PACRG: variants seen among roughly 807,000 people sequenced by gnomAD.
PACRG encodes parkin coregulated gene protein.
A neutral mutation model predicts 29.7 loss-of-function variants in PACRG; 29 were observed. The ratio of observed to expected loss-of-function variants is 0.98; its 90% CI spans 0.73 to 1.33. PACRG has a LOEUF of 1.33. Ranked by LOEUF, PACRG falls within the 40% of genes most tolerant of loss-of-function variation. The probability of loss-of-function intolerance (pLI) is 0.00; values close to 1 mark genes in which losing one functional copy is unlikely to be tolerated. For missense variants in PACRG, 279 were observed against 316.2 expected, an observed-to-expected ratio of 0.88 and a Z score of 0.89; for synonymous variants, 116 against 118.7, an observed-to-expected ratio of 0.98 and a Z score of 0.15.
At chr6:163,311,838 G>A (rs1785429946) in intron 4 of PACRG, among the ~76,000 whole-genome samples, 1 of 152,128 alleles carries the variant, frequency 6.6e-6, no homozygotes, top group Non-Finnish European at 1.5e-5. Context: ...AAGAACATGA[G>A]ATAAAGTTCT....
chr6:163,141,588 C>T (rs1306209754), intron 4 of PACRG, among the ~76,000 whole-genome samples: 1 of 150,112 alleles, frequency 6.7e-6, no homozygotes, highest in East Asian at 1.9e-4. Context: ...ATACCTAAAA[C>T]CATGCTAAAA....
chr6:163,120,542 C>T (rs547741135), intron 4 of PACRG, among the ~76,000 whole-genome samples: 3 of 152,300 alleles, frequency 2.0e-5, no homozygotes, highest in East Asian at 1.9e-4. Flanking sequence ...ATGAGTTAAT[C>T]CACAGTTAGC....
chr6:162,861,028 G>T (rs981812520), intron 2 of PACRG, among the ~76,000 whole-genome samples: 1 of 152,062 alleles, frequency 6.6e-6, no homozygotes, highest in African/African-American at 2.4e-5. Flanking sequence ...AGCTGTCAAG[G>T]CCTATCGGGG....
chr6:163,137,829 C>T (rs1010425014), intron 4 of PACRG, among the ~76,000 whole-genome samples: 60 of 152,352 alleles, frequency 3.9e-4, no homozygotes, highest in African/African-American at 1.3e-3. Context: ...CCCGGCCTGG[C>T]GCCACCGCGC....
intron 2 of PACRG, among the ~76,000 whole-genome samples, chr6:163,023,358 G>A (rs1806824057): frequency 6.6e-6 from 1 of 152,118 alleles, no homozygotes; most frequent in South Asian, 2.1e-4. Flanking sequence ...AATTTGCTTA[G>A]GATAATGACC....
At chr6:162,947,581 A>C (rs1398955783) in intron 2 of PACRG, among the ~76,000 whole-genome samples, 3 of 28,866 alleles carry the variant, frequency 1.0e-4, no homozygotes, top group Non-Finnish European at 1.4e-4. Flanking sequence ...CTCATATATA[A>C]TCATATATAT....
At chr6:163,274,612 C>A (rs1218481986) in intron 4 of PACRG, among the ~76,000 whole-genome samples, 1 of 152,218 alleles carries the variant, frequency 6.6e-6, no homozygotes, top group Non-Finnish European at 1.5e-5. Context: ...ACCACACTGT[C>A]TTCCACAATG....
intron 2 of PACRG, among the ~76,000 whole-genome samples, chr6:162,930,677 G>C (rs774011260): frequency 4.6e-5 from 7 of 151,890 alleles, no homozygotes; most frequent in Non-Finnish European, 7.4e-5. Context: ...CCATATCGTA[G>C]AGGAAAGGCT....
At chr6:163,058,423 A>G (rs1810781205) in intron 2 of PACRG, among the ~76,000 whole-genome samples, 1 of 152,236 alleles carries the variant, frequency 6.6e-6, no homozygotes, top group Admixed American at 6.5e-5. Context: ...ATAGTAAGGC[A>G]ACATATTTGC....
intron 1 of PACRG, among the ~76,000 whole-genome samples, chr6:162,804,870 G>A (rs1046494473): frequency 6.6e-6 from 1 of 152,098 alleles, no homozygotes. Context: ...CCATTCATGC[G>A]TTGTTAGGCA....
intron 2 of PACRG, among the ~76,000 whole-genome samples, chr6:162,831,179 C>G (rs184442915): frequency 6.6e-6 from 1 of 152,264 alleles, no homozygotes; most frequent in Admixed American, 6.5e-5. Flanking sequence ...GGGAGACAAG[C>G]AGAGCTGAAG....
At chr6:163,232,402 C>T (rs576527376) in intron 4 of PACRG, among the ~76,000 whole-genome samples, 1 of 152,078 alleles carries the variant, frequency 6.6e-6, no homozygotes, top group South Asian at 2.1e-4. Context: ...CAGACCAACG[C>T]CCACACTTTG....
chr6:162,858,683 C>G lies in PACRG; in HGVS notation c.291+44402C>G, dbSNP rs546141499. Among the ~76,000 whole-genome samples, 9 of 152,246 alleles carry G rather than the reference C, an allele frequency of 5.9e-5. No individual in the cohort carries two copies. The South Asian group carries it at 1.7e-3, about 28-fold the overall frequency. On this transcript the variant is annotated intron_variant, in intron 2 of 4. Transcript: ENST00000366888. ...TATGGACAGGCATGCAGAAGTAAGA[C>G]TGGAGGATGAAATGGCATGCTCCAA...
chr6:163,127,318 C>T (rs976008070), intron 4 of PACRG, among the ~76,000 whole-genome samples: 1 of 152,206 alleles, frequency 6.6e-6, no homozygotes, highest in Non-Finnish European at 1.5e-5. Context: ...GACAAATTGC[C>T]TCGGCCTATT....
At chr6:163,226,981 T>C (rs1344069578) in intron 4 of PACRG, among the ~76,000 whole-genome samples, 1 of 152,174 alleles carries the variant, frequency 6.6e-6, no homozygotes, top group Non-Finnish European at 1.5e-5. Flanking sequence ...CCTCAAACCT[T>C]ATAAATGATG....
chr6:162,881,758 CAAAG>C lies in PACRG; in HGVS notation c.291+67480_291+67483del, dbSNP rs770180497. ...ACCAGAGACAGTGGGGTGCTCTCCA[CAAAG>C]AACAGAGATCCGGGAGGCTCTCCCC... On this transcript the variant is annotated intron_variant, in intron 2 of 4. Transcript: ENST00000366888. 3.3e-5 allele frequency among the ~76,000 whole-genome samples: 5 copies of C among 149,398 alleles called. No individual in the cohort carries two copies. In the South Asian group the frequency reaches 1.1e-3, roughly 32 times the overall value.
chr6:163,273,946 ATG>A (rs1783935478), intron 4 of PACRG, among the ~76,000 whole-genome samples: 1 of 152,194 alleles, frequency 6.6e-6, no homozygotes, highest in Non-Finnish European at 1.5e-5. Context: ...ATGTAAAGTA[ATG>A]CATTTTTCTC....
Position 163,077,913 on chromosome 6 carries a change from C to T in PACRG, c.464-11346C>T, listed in dbSNP as rs558098448. ...GGTGATCCAGCACCCACGATGGAGG[C>T]GGCAGAGATGGAGAGAATGGACAGC... On this transcript the variant is annotated intron_variant, in intron 3 of 4. Transcript: ENST00000366888. Among the ~76,000 whole-genome samples, 11 of 152,196 alleles carry T rather than the reference C, an allele frequency of 7.2e-5. No homozygotes were observed. In the East Asian group the frequency reaches 1.4e-3, roughly 19 times the overall value.
intron 2 of PACRG, among the ~76,000 whole-genome samples, chr6:162,897,569 A>C (rs1795261114): frequency 6.6e-6 from 1 of 152,218 alleles, no homozygotes; most frequent in South Asian, 2.1e-4. Flanking sequence ...ACCAAGATTT[A>C]CACACCTATG....
Sources: allele counts gnomAD v4.1 joint callset (sites outside exome capture counted in the v4.1 genomes callset), GRCh38; gene constraint gnomAD v4.1.1; transcripts MANE v1.5; gene names NCBI Gene and HGNC (gene_info 2026-07-23, HGNC 2026-07-21).